PPIL2: variants seen among roughly 807,000 people sequenced by gnomAD.
PPIL2 encodes the protein RING-type E3 ubiquitin-protein ligase PPIL2.
PPIL2 carries 50 observed loss-of-function variants against 75.2 expected under a neutral mutation model. That is an observed-to-expected ratio of 0.66 (90% CI 0.53 to 0.84). PPIL2 has a LOEUF of 0.84. Among genes scored for constraint, PPIL2 ranks in the 40% least tolerant of loss-of-function variants. The probability of loss-of-function intolerance (pLI) is 0.00; values close to 1 mark genes in which losing one functional copy is unlikely to be tolerated. For missense variants in PPIL2, 590 were observed against 685.0 expected (o/e 0.86, Z 1.55); for synonymous variants, 245 against 258.8 (o/e 0.95, Z 0.51).
intron 15 of PPIL2, among the ~76,000 whole-genome samples, chr22:21,692,195 C>A (rs1039417244): frequency 1.3e-4 from 19 of 151,804 alleles, no homozygotes; most frequent in African/African-American, 2.2e-4. Flanking sequence ...TCGCTCCGTC[C>A]CCCAGGCTGG....
chr22:21,694,732 C>T (rs371532184), intron 17 of PPIL2, 23 bp from the exon 18 acceptor site: 18 of 1,610,870 alleles, frequency 1.1e-5, no homozygotes, highest in Non-Finnish European at 1.5e-5. Flanking sequence ...ACCTGCCGTG[C>T]ACTGAGCCCC....
downstream of PPIL2, chr22:21,698,261 CAAAAAA>C (rs35100577): frequency 8.1e-6 from 1 of 123,204 alleles, no homozygotes; most frequent in Non-Finnish European, 1.7e-5. Flanking sequence ...GTATAAATTA[CAAAAAA>C]AAAAAAAAAT....
intron 12 of PPIL2, 86 bp from the exon 13 acceptor site, chr22:21,687,550 CAAAAAAA>C (rs36108489): frequency 8.2e-5 from 25 of 306,502 alleles, no homozygotes; most frequent in East Asian, 5.4e-4. Context: ...GACTCCACCT[CAAAAAAA>C]AAAAAAAAAA....
rs1339337152 is a variant in PPIL2, at chr22:21,697,287, C to T, written c.*1797C>T. On this transcript the variant is annotated 3_prime_UTR_variant, in exon 20 of 20. Transcript: ENST00000398831. ...CGGGTGGTGGGGATGAAGGCCTGAC[C>T]AGGGAGGGAGAAGCAGGTTTGGAGA... The T allele has an allele frequency of 2.6e-6, 1 of 385,584 alleles. No individual in the cohort carries two copies. The highest frequency in any genetic ancestry group is 2.0e-5 in the African/African-American group (1 of 49,146). The allele number at this position is 385,584 out of a possible 1,614,324, so 23.9% of individuals were successfully genotyped here.
chr22:21,683,102 C>G, intron 8 of PPIL2, 80 bp from the exon 9 acceptor site: 3 of 1,224,774 alleles, frequency 2.4e-6, no homozygotes, highest in Non-Finnish European at 3.6e-6. Flanking sequence ...CCTCTGACAG[C>G]TGGCCGTCCT....
At chr22:21,674,286 A>T (rs1273480032) in intron 5 of PPIL2, among the ~76,000 whole-genome samples, 3 of 152,134 alleles carry the variant, frequency 2.0e-5, no homozygotes, top group Non-Finnish European at 4.4e-5. Flanking sequence ...ACTTTGTTTT[A>T]TGGGAAAGTT....
At chr22:21,690,078 G>T (rs558199451) in intron 15 of PPIL2, among the ~76,000 whole-genome samples, 1 of 152,210 alleles carries the variant, frequency 6.6e-6, no homozygotes, top group Admixed American at 6.6e-5. Context: ...TTTGTGGCCT[G>T]GAATGGTTAA....
Position 21,692,388 on chromosome 22 carries a change from T to C in PPIL2, c.1140-1428T>C, listed in dbSNP as rs996396440. ...CGAGGATGGTCTCGATCTCCTGACC[T>C]TGTGATCCGCCCACCTTGGCCTCCC... On this transcript the variant is annotated intron_variant, in intron 15 of 19. Transcript: ENST00000398831. Among the ~76,000 whole-genome samples, 246 of 151,500 alleles carry C rather than the reference T, an allele frequency of 1.6e-3. 2 individuals are homozygous for C. Among genetic ancestry groups the C allele is most frequent in the Admixed American group, 3.9e-3 (60 of 15,202 alleles).
chr22:21,683,092 C>A (rs1054709869), intron 8 of PPIL2, 90 bp from the exon 9 acceptor site: 3 of 1,133,634 alleles, frequency 2.6e-6, no homozygotes, highest in Non-Finnish European at 4.0e-6. Flanking sequence ...CTCTTCCACA[C>A]CTCTGACAGC....
At chr22:21,666,982 T>C (rs1352897162) in intron 1 of PPIL2, among the ~76,000 whole-genome samples, 1 of 11,692 alleles carries the variant, frequency 8.6e-5, no homozygotes, top group Non-Finnish European at 2.0e-4. Context: ...CCCAGAACTG[T>C]TGGGCTTCTC....
chr22:21,699,594 G>A (rs117358614), downstream of PPIL2: 2,552 of 152,732 alleles, frequency 0.017, 44 homozygotes, highest in Admixed American at 0.033. Flanking sequence ...GACGGGCAAC[G>A]CGTCTAGCAG....
Position 21,686,908 on chromosome 22 carries a change from T to A in PPIL2, c.807T>A (p.Asp269Glu), listed in dbSNP as rs2067389705. 1.9e-6 allele frequency: 3 copies of A among 1,613,960 alleles called. No individual in the cohort carries two copies. In the South Asian group the frequency reaches 3.3e-5, roughly 18 times the overall value. ...GGCTTGTAGCTGCCATCGACGAGGA[T>A]GTGCTGCGCTACCAGTTTGTGAAGA... ...TTHEAAAIDE[D>E]VLRYQFVKKK... is the part of the protein sequence containing the mutation. Residue 269 changes from aspartate (D) to glutamate (E), a missense_variant, in exon 12 of 20, where the codon GAT becomes GAA. Transcript: ENST00000398831.
chr22:21,686,858 A>T, intron 11 of PPIL2, 34 bp from the exon 12 acceptor site: 1 of 1,581,006 alleles, frequency 6.3e-7, no homozygotes. Flanking sequence ...CCCCAGGGTG[A>T]GGGCAGGGGC....
chr22:21,666,995 C>T lies in PPIL2; in HGVS notation c.32+864C>T, dbSNP rs143762285. Among the ~76,000 whole-genome samples, 362 of 93,500 alleles carry T rather than the reference C, an allele frequency of 3.9e-3. 1 individual carries two copies. Among genetic ancestry groups the T allele is most frequent in the Middle Eastern group, 0.024 (4 of 164 alleles). 61.3% of individuals were successfully genotyped at this position (93,500 alleles called of 152,430 possible). On this transcript the variant is annotated intron_variant, in intron 1 of 19. Transcript: ENST00000398831. ...ACCCCAGAACTGTTGGGCTTCTCAA[C>T]AGTATGTCACACCGTTGACCACTCC...
intron 5 of PPIL2, among the ~76,000 whole-genome samples, chr22:21,672,807 C>T (rs891337956): frequency 2.0e-5 from 3 of 152,188 alleles, no homozygotes; most frequent in African/African-American, 7.2e-5. Flanking sequence ...TATTCCTCCA[C>T]CTCTTTCCTA....
rs1412058888 is a variant in PPIL2, at chr22:21,684,915, T to G, written c.714+2T>G. ...AAGAAAGTGGACAAGCTGAACGCTG[T>G]GAGTGGCGGAGGGCACTCGGCCAAG... On this transcript the variant is annotated splice_donor_variant, in intron 10 of 19. Transcript: ENST00000398831. LOFTEE classifies it high-confidence loss of function. 1 of 1,613,714 alleles carries G rather than the reference T, an allele frequency of 6.2e-7. No individual in the cohort carries two copies.
chr22:21,687,086 G>C, intron 12 of PPIL2, 88 bp downstream of exon 12: 1 of 1,236,432 alleles, frequency 8.1e-7, no homozygotes, highest in Non-Finnish European at 1.2e-6. Context: ...GCTGCCACTG[G>C]TATGTGCTTG....
At chr22:21,681,894 A>G (rs561513109) in intron 7 of PPIL2, among the ~76,000 whole-genome samples, 15 of 152,336 alleles carry the variant, frequency 9.8e-5, no homozygotes, top group Non-Finnish European at 1.6e-4. Context: ...CATGGCGGGA[A>G]AGCCGACCTT....
intron 5 of PPIL2, 148 bp downstream of exon 5, chr22:21,672,529 C>A: frequency 1.3e-6 from 1 of 755,176 alleles, no homozygotes; most frequent in Non-Finnish European, 2.3e-6. Flanking sequence ...CCCTCCTCTC[C>A]CCACACCCAT....
Sources: gnomAD v4.1 joint callset for allele counts (sites outside exome capture counted in the v4.1 genomes callset) on GRCh38, gnomAD v4.1.1 for gene constraint, MANE v1.5 for transcripts, NCBI Gene and HGNC (gene_info 2026-07-23, HGNC 2026-07-21) for gene names.